COX7A2: variants seen among roughly 807,000 people sequenced by gnomAD.
COX7A2 encodes the protein cytochrome c oxidase subunit 7A2, also known as cytochrome c oxidase subunit 7A2, mitochondrial.
COX7A2 carries 11 observed loss-of-function variants against 11.6 expected under a neutral mutation model. The ratio of observed to expected loss-of-function variants is 0.95; its 90% CI spans 0.60 to 1.57. COX7A2 has a LOEUF of 1.57. Ranked by LOEUF, COX7A2 falls within the 40% of genes most tolerant of loss-of-function variation. The pLI is 0.00. For synonymous variants in COX7A2, 30 were observed against 38.2 expected, an observed-to-expected ratio of 0.78 and a Z score of 0.79; for missense variants, 106 against 100.9, an observed-to-expected ratio of 1.05 and a Z score of -0.22.
intron 3 of COX7A2, 102 bp from the exon 4 acceptor site, chr6:75,238,090 C>A: frequency 1.6e-6 from 1 of 634,054 alleles, no homozygotes; most frequent in Non-Finnish European, 2.4e-6. Context: ...ATTAAGACTA[C>A]CTTAATTGGA....
chr6:75,239,454 G>A (rs1452518402), intron 3 of COX7A2, among the ~76,000 whole-genome samples: 1 of 152,156 alleles, frequency 6.6e-6, no homozygotes, highest in Non-Finnish European at 1.5e-5. Flanking sequence ...TTTAAAATGA[G>A]GACATATTAT....
At chr6:75,248,966 T>C (rs982812898) in intron 1 of COX7A2, among the ~76,000 whole-genome samples, 1 of 152,046 alleles carries the variant, frequency 6.6e-6, no homozygotes, top group Admixed American at 6.5e-5. Context: ...AAAGACAGAA[T>C]TTTGGGCCGG....
intron 2 of COX7A2, 69 bp from the exon 3 acceptor site, chr6:75,240,454 A>T: frequency 9.0e-7 from 1 of 1,105,508 alleles, no homozygotes; most frequent in Non-Finnish European, 1.3e-6. Context: ...GTTTCAAAAG[A>T]ACAGGCATAT....
Position 75,243,709 on chromosome 6 carries a change from C to T in COX7A2, c.18+8G>A, listed in dbSNP as rs183317681. ...CCCATCATGAATGCAAGATGAGAAG[C>T]TCCTCACCAGCAGATTCCGCAGCAT... On this transcript the variant is annotated splice_region_variant and intron_variant, in intron 1 of 3. Coordinates refer to ENST00000684430, the MANE Select transcript of COX7A2 (RefSeq NM_001366293.2). The T allele has an allele frequency of 3.7e-6, 6 of 1,613,180 alleles. No homozygotes were observed. In the East Asian group the frequency reaches 1.3e-4, roughly 36 times the overall value.
chr6:75,241,127 T>C (rs371921718), intron 2 of COX7A2, 49 bp downstream of exon 2: 44 of 1,564,376 alleles, frequency 2.8e-5, no homozygotes, highest in Middle Eastern at 3.5e-4. Context: ...TCTTACCTTT[T>C]GGTAATCTAA....
chr6:75,240,094 T>G (rs1771444666), intron 3 of COX7A2, among the ~76,000 whole-genome samples: 1 of 151,046 alleles, frequency 6.6e-6, no homozygotes, highest in African/African-American at 2.4e-5. Context: ...GGAGCAAAAC[T>G]CCATTTCAAA....
chr6:75,247,690 A>AT (rs201436077), upstream of COX7A2, among the ~76,000 whole-genome samples: 5,079 of 147,848 alleles, frequency 0.034, 130 homozygotes, highest in East Asian at 0.093. Flanking sequence ...CTAATCTCTG[A>AT]TTTTTTTTTT....
upstream of COX7A2, chr6:75,243,955 A>T (rs1771617044): frequency 1.2e-6 from 1 of 805,108 alleles, no homozygotes. Context: ...CAGTCCCGTG[A>T]TCTCGTTCCT....
rs774638092 is a variant in COX7A2 at position 75,240,387 on chromosome 6, T to C, written c.109-2A>G. ...ATACAGTGGAATTTCATCATCCTCCTAGATTTAAAAAAAAAAAAAAAAGAC... is the reference window on the plus strand; with the variant it reads ...ATACAGTGGAATTTCATCATCCTCCCAGATTTAAAAAAAAAAAAAAAAGAC... On this transcript the variant is annotated splice_acceptor_variant, in intron 2 of 3. Coordinates refer to ENST00000684430, the MANE Select transcript of COX7A2 (RefSeq NM_001366293.2). LOFTEE classifies it high-confidence loss of function. 2.8e-6 allele frequency: 4 copies of C among 1,423,746 alleles called. No individual in the cohort carries two copies. The highest frequency in any genetic ancestry group is 2.8e-5 in the Admixed American group (1 of 36,118). 88.2% of individuals were successfully genotyped at this position (1,423,746 alleles called of 1,614,324 possible).
chr6:75,239,114 CT>C (rs1771411330), intron 3 of COX7A2, among the ~76,000 whole-genome samples: 2 of 152,306 alleles, frequency 1.3e-5, no homozygotes, highest in South Asian at 4.1e-4. Context: ...CATGCCCAGC[CT>C]ATACCTTTTA....
upstream of COX7A2, among the ~76,000 whole-genome samples, chr6:75,246,840 C>A (rs1180672238): frequency 6.6e-6 from 1 of 152,162 alleles, no homozygotes; most frequent in Non-Finnish European, 1.5e-5. Flanking sequence ...TGCCTGCGTA[C>A]CTAACAAACT....
At position 75,242,373 on chromosome 6, in the gene COX7A2, G is replaced by A. The variant is rs60656490; in HGVS notation, c.19-1108C>T. Among the ~76,000 whole-genome samples the A allele has an allele frequency of 5.4e-4, 82 of 152,156 alleles. No homozygotes were observed. The East Asian group carries it at 0.011, about 21-fold the overall frequency. The stretch of plus-strand genomic sequence containing the variant: ...ACACAAAAATTAGCTGGGCATGGTG[G>A]TGCGCACCTGAAATTCTAGCTACTC... On this transcript the variant is annotated intron_variant, in intron 1 of 3. Coordinates refer to ENST00000684430, the MANE Select transcript of COX7A2 (RefSeq NM_001366293.2).
upstream of COX7A2, among the ~76,000 whole-genome samples, chr6:75,248,087 T>C (rs1407620266): frequency 0.019 from 15 of 808 alleles, 2 homozygotes; most frequent in Middle Eastern, 0.5. Flanking sequence ...TTATCTTTTT[T>C]TTTTTTTTTT....
rs113917189 is a variant in COX7A2, at chr6:75,243,596, C to T, written c.18+121G>A. ...AAGGTCAGGGAAAAAGGACACGAAT[C>T]AAGGTGACTTCATTAGCCGCCTTCG... On this transcript the variant is annotated intron_variant, in intron 1 of 3. Coordinates refer to ENST00000684430, the MANE Select transcript of COX7A2 (RefSeq NM_001366293.2). 264 of 843,578 alleles carry T rather than the reference C, an allele frequency of 3.1e-4. No individual in the cohort carries two copies. In the African/African-American group the frequency reaches 3.8e-3, roughly 12 times the overall value. The allele number at this position is 843,578 out of a possible 1,614,324, so 52.3% of individuals were successfully genotyped here. A position where few individuals can be genotyped will look rare whatever the true frequency, so the allele number is the denominator to read the frequency against.
In COX7A2 at chr6:75,243,609, T is replaced by C; in HGVS notation, c.18+108A>G. 3.0e-6 allele frequency: 3 copies of C among 1,005,730 alleles called. No homozygotes were observed. In the East Asian group the frequency reaches 7.2e-5, roughly 24 times the overall value. The allele number at this position is 1,005,730 out of a possible 1,614,324, so 62.3% of individuals were successfully genotyped here. On this transcript the variant is annotated intron_variant, in intron 1 of 3. Coordinates refer to ENST00000684430, the MANE Select transcript of COX7A2 (RefSeq NM_001366293.2). ...AAGGACACGAATCAAGGTGACTTCA[T>C]TAGCCGCCTTCGGCACCCCTCCCAG... is the stretch of plus-strand genomic sequence containing the variant.
At chr6:75,242,825 A>AAAAATAAAAT (rs200706977) in intron 1 of COX7A2, among the ~76,000 whole-genome samples, 1 of 10,216 alleles carries the variant, frequency 9.8e-5, no homozygotes, top group African/African-American at 1.5e-4. Flanking sequence ...TCTCAAAAAA[A>AAAAATAAAAT]AAAATAAAAT....
rs371766385 is a variant in COX7A2, at chr6:75,241,198, G to A, written c.86C>T (p.Pro29Leu). 1.1e-5 allele frequency: 18 copies of A among 1,595,650 alleles called. No individual in the cohort carries two copies. The highest frequency in any genetic ancestry group is 5.0e-5 in the Admixed American group (3 of 59,886). The change falls in exon 2 of 4, where the codon CCG (proline) becomes CTG (leucine). Residue 29 changes from proline to leucine, a missense_variant. Coordinates refer to ENST00000684430, the MANE Select transcript of COX7A2 (RefSeq NM_001366293.2). ...ASRRHFKNKV[P>L]EKQKLFQEDD... ...TACCTGGAACAGTTTTTGCTTCTCC[G>A]GAACTTTATTTTTAAAATGCCTGCG...
Position 75,237,839 on chromosome 6 carries a change from AT to A in COX7A2, c.*90del. On this transcript the variant is annotated 3_prime_UTR_variant, in exon 4 of 4. Transcript: ENST00000684430. The stretch of plus-strand genomic sequence containing the variant: ...AGTTACTACAAGTCAATAAATATTG[AT>A]CCCCAAAGAAGAGCTCGGTTATTTA... 2 of 900,742 alleles carry A rather than the reference AT, an allele frequency of 2.2e-6. No individual in the cohort carries two copies. Among genetic ancestry groups the A allele is most frequent in the South Asian group, 1.5e-5 (1 of 65,350 alleles). The allele number at this position is 900,742 out of a possible 1,614,324, so 55.8% of individuals were successfully genotyped here.
Position 75,243,711 on chromosome 6 carries a change from C to T in COX7A2, c.18+6G>A, listed in dbSNP as rs377443195. ...CATCATGAATGCAAGATGAGAAGCT[C>T]CTCACCAGCAGATTCCGCAGCATCT... On this transcript the variant is annotated splice_donor_region_variant and intron_variant, in intron 1 of 3. Coordinates refer to ENST00000684430, the MANE Select transcript of COX7A2 (RefSeq NM_001366293.2). The T allele has an allele frequency of 1.6e-5, 26 of 1,612,958 alleles. No individual in the cohort carries two copies. Among genetic ancestry groups the T allele is most frequent in the African/African-American group, 8.0e-5 (6 of 74,884 alleles).
Sources: allele counts gnomAD v4.1 joint callset (sites outside exome capture counted in the v4.1 genomes callset), GRCh38; gene constraint gnomAD v4.1.1; transcripts MANE v1.5; gene names NCBI Gene and HGNC (gene_info 2026-07-23, HGNC 2026-07-21).